Variants in DOK5 observed in about 807,000 individuals in gnomAD.
DOK5 encodes the protein docking protein 5, also known as downstream of tyrosine kinase 5.
Under a neutral mutation model 43.3 loss-of-function variants are expected in DOK5, and 27 were observed. That is an observed-to-expected ratio of 0.62 (90% CI 0.46 to 0.86). The LOEUF (loss-of-function observed/expected upper bound fraction) is 0.86. Ranked by LOEUF, DOK5 falls within the 40% of genes least tolerant of loss-of-function variation. DOK5 has a pLI of 0.00. For synonymous variants in DOK5, 146 were observed against 140.1 expected (o/e 1.04, Z -0.30); for missense variants, 373 against 392.9 (o/e 0.95, Z 0.43).
chr20:54,482,787 G>T (rs73142905), intron 1 of DOK5, among the ~76,000 whole-genome samples: 9,661 of 152,204 alleles, frequency 0.063, 375 homozygotes, highest in Non-Finnish European at 0.088. Context: ...GTGAGCCACC[G>T]TGCCCGGCCT....
At chr20:54,605,763 T>C (rs1986451129) in intron 5 of DOK5, among the ~76,000 whole-genome samples, 1 of 152,248 alleles carries the variant, frequency 6.6e-6, no homozygotes, top group Non-Finnish European at 1.5e-5. Flanking sequence ...AGCCATGCTC[T>C]AGGCATTAGT....
At chr20:54,625,067 T>C (rs1987093853) in intron 6 of DOK5, among the ~76,000 whole-genome samples, 1 of 152,196 alleles carries the variant, frequency 6.6e-6, no homozygotes, top group Non-Finnish European at 1.5e-5. Context: ...TTTCATAATA[T>C]TCTGTGATAC....
At chr20:54,603,589 G>C (rs1487434804) in intron 5 of DOK5, among the ~76,000 whole-genome samples, 1 of 152,108 alleles carries the variant, frequency 6.6e-6, no homozygotes, top group Non-Finnish European at 1.5e-5. Context: ...TCAATGTCTG[G>C]AGACACTTTT....
At chr20:54,605,011 AAATAT>A (rs1374042970) in intron 5 of DOK5, among the ~76,000 whole-genome samples, 24 of 112,040 alleles carry the variant, frequency 2.1e-4, no homozygotes, top group African/African-American at 1.3e-3. Flanking sequence ...CAAAAAAAAA[AAATAT>A]ATATATATAC....
In DOK5 at chr20:54,572,321, C is replaced by T. The variant is rs182096942; in HGVS notation, c.175-16162C>T. ...GACTACAGGTACTCGCCACCACGCC[C>T]GGCTAATTTTTTGTATTTCTTTAGT... On this transcript the variant is annotated intron_variant, in intron 2 of 7. Transcript: ENST00000262593. Among the ~76,000 whole-genome samples the T allele has an allele frequency of 5.3e-3, 811 of 152,126 alleles. 6 individuals carry two copies. The highest frequency in any genetic ancestry group is 0.015 in the African/African-American group (626 of 41,500).
intron 6 of DOK5, among the ~76,000 whole-genome samples, chr20:54,613,476 C>T (rs1051797306): frequency 3.3e-5 from 5 of 152,102 alleles, no homozygotes; most frequent in African/African-American, 1.2e-4. Context: ...CATAGTAAGT[C>T]ATCCCTCTGC....
chr20:54,589,054 G>A (rs1985902274), intron 4 of DOK5, among the ~76,000 whole-genome samples: 1 of 152,094 alleles, frequency 6.6e-6, no homozygotes, highest in Admixed American at 6.6e-5. Flanking sequence ...AACCTGCTAT[G>A]TGCCAGTTTG....
At chr20:54,478,999 G>A (rs1981554246) in intron 1 of DOK5, among the ~76,000 whole-genome samples, 1 of 151,882 alleles carries the variant, frequency 6.6e-6, no homozygotes, top group African/African-American at 2.4e-5. Flanking sequence ...GTATGTGTGT[G>A]TATTTTTATA....
intron 1 of DOK5, among the ~76,000 whole-genome samples, chr20:54,540,495 A>G (rs1984116591): frequency 2.0e-5 from 3 of 152,084 alleles, no homozygotes. Flanking sequence ...TTTGCTATAT[A>G]CCAAGCAATA....
rs1267308399 is a variant in DOK5, at chr20:54,628,680, A to C, written c.736-14778A>C. On this transcript the variant is annotated intron_variant, in intron 6 of 7. Coordinates refer to ENST00000262593, the MANE Select transcript of DOK5 (RefSeq NM_018431.5). Reference sequence around the variant, plus strand: ...TAGCATAGCAATTAGTATATTACGCAGTTTGTATCGATTAAATGAACCTGC... The same window carrying C: ...TAGCATAGCAATTAGTATATTACGCCGTTTGTATCGATTAAATGAACCTGC... Among the ~76,000 whole-genome samples the C allele has an allele frequency of 2.6e-5, 4 of 152,100 alleles. 1 individual carries two copies. Among genetic ancestry groups the C allele is most frequent in the Non-Finnish European group, 5.9e-5 (4 of 68,018 alleles).
intron 1 of DOK5, among the ~76,000 whole-genome samples, chr20:54,490,608 ACG>A (rs1982127580): frequency 6.6e-6 from 1 of 151,962 alleles, no homozygotes; most frequent in African/African-American, 2.4e-5. Context: ...ATTTTTTGAG[ACG>A]GAGTCTTGCT....
rs186180531 is a variant in DOK5, at chr20:54,528,646, A to G, written c.67-26287A>G. On this transcript the variant is annotated intron_variant, in intron 1 of 7. Coordinates refer to ENST00000262593, the MANE Select transcript of DOK5 (RefSeq NM_018431.5). ...ATTTGGTCACTTGGCTTTACCTGGA[A>G]GAATAGAAAATACAGTCCCTCAGCT... Among the ~76,000 whole-genome samples the G allele has an allele frequency of 8.5e-5, 13 of 152,344 alleles. No homozygotes were observed. In the East Asian group the frequency reaches 2.5e-3, roughly 29 times the overall value.
intron 2 of DOK5, among the ~76,000 whole-genome samples, chr20:54,575,313 C>A (rs1263820971): frequency 6.6e-6 from 1 of 152,168 alleles, no homozygotes; most frequent in African/African-American, 2.4e-5. Context: ...TGGGCACACA[C>A]ACCTTTAGAA....
intron 1 of DOK5, among the ~76,000 whole-genome samples, chr20:54,535,877 A>T (rs1275801716): frequency 1.3e-5 from 2 of 152,192 alleles, no homozygotes; most frequent in Non-Finnish European, 2.9e-5. Context: ...AACCTCTTAT[A>T]TAAATATGTT....
chr20:54,511,586 C>T (rs1235806913), intron 1 of DOK5, among the ~76,000 whole-genome samples: 1 of 152,280 alleles, frequency 6.6e-6, no homozygotes, highest in Admixed American at 6.5e-5. Context: ...ACATTCATAG[C>T]TGCAATTTAT....
intron 5 of DOK5, among the ~76,000 whole-genome samples, chr20:54,605,016 T>A (rs1311656454): frequency 0.013 from 1,413 of 110,088 alleles, 25 homozygotes; most frequent in African/African-American, 0.044. Flanking sequence ...AAAAAAAATA[T>A]ATATATATAC....
rs890685468 is a variant in DOK5, at chr20:54,540,128, C to T, written c.67-14805C>T. Among the ~76,000 whole-genome samples, 6 of 152,078 alleles carry T rather than the reference C, an allele frequency of 3.9e-5. No homozygotes were observed. The South Asian group carries it at 1.0e-3, about 26-fold the overall frequency. ...ACACCTCTCTAAGTCCCTTTGGAAGCCCCAGGGAGATCATTGCTTTTTTTT... is the reference window on the plus strand; with the variant it reads ...ACACCTCTCTAAGTCCCTTTGGAAGTCCCAGGGAGATCATTGCTTTTTTTT... On this transcript the variant is annotated intron_variant, in intron 1 of 7. Coordinates refer to ENST00000262593, the MANE Select transcript of DOK5 (RefSeq NM_018431.5).
At chr20:54,498,125 A>G (rs939344247) in intron 1 of DOK5, among the ~76,000 whole-genome samples, 2 of 152,188 alleles carry the variant, frequency 1.3e-5, no homozygotes, top group Non-Finnish European at 2.9e-5. Context: ...ATGTTCATCC[A>G]TATGTAAATT....
intron 6 of DOK5, among the ~76,000 whole-genome samples, chr20:54,640,738 G>T (rs927151733): frequency 1.3e-5 from 2 of 152,130 alleles, no homozygotes. Context: ...TGAATAATTT[G>T]AAGTGACTAG....
Sources: gnomAD v4.1 joint callset for allele counts (sites outside exome capture counted in the v4.1 genomes callset) on GRCh38, gnomAD v4.1.1 for gene constraint, MANE v1.5 for transcripts, NCBI Gene and HGNC (gene_info 2026-07-23, HGNC 2026-07-21) for gene names.